The following SORCS3 variants were observed in gnomAD, a reference collection of about 807,000 sequenced individuals.
SORCS3 encodes VPS10 domain-containing receptor SorCS3.
SORCS3 carries 57 observed loss-of-function variants against 146.3 expected under a neutral mutation model. The observed-to-expected ratio is 0.39, with a 90% CI of 0.31 to 0.49. The LOEUF (loss-of-function observed/expected upper bound fraction) is 0.49. Among genes scored for constraint, SORCS3 ranks in the 20% least tolerant of loss-of-function variants. The pLI is 0.92. For missense variants in SORCS3, 1,341 were observed against 1,575.5 expected (o/e 0.85, Z 2.52); for synonymous variants, 653 against 618.5 (o/e 1.06, Z -0.83).
intron 1 of SORCS3, among the ~76,000 whole-genome samples, chr10:104,681,794 A>G (rs2015980028): frequency 6.6e-6 from 1 of 152,100 alleles, no homozygotes; most frequent in African/African-American, 2.4e-5. Flanking sequence ...CTTTCTCGGA[A>G]TGCTCTGTCC....
chr10:104,872,847 A>G (rs924244381), intron 2 of SORCS3, among the ~76,000 whole-genome samples: 6 of 152,226 alleles, frequency 3.9e-5, no homozygotes, highest in African/African-American at 1.4e-4. Flanking sequence ...TGAAAAGCAC[A>G]ATATGCTGAA....
chr10:105,225,027 T>C lies in SORCS3; in HGVS notation c.2868+1778T>C, dbSNP rs535816201. ...TCTGCAAATATTTTCTTCCACTCTGTGGCTTATCTTTTCAACTTCTTGATA... is the reference window on the plus strand; with the variant it reads ...TCTGCAAATATTTTCTTCCACTCTGCGGCTTATCTTTTCAACTTCTTGATA... On this transcript the variant is annotated intron_variant, in intron 20 of 26. Transcript: ENST00000369701. 8.5e-5 allele frequency among the ~76,000 whole-genome samples: 13 copies of C among 152,278 alleles called. No homozygotes were observed. The South Asian group carries it at 2.7e-3, about 32-fold the overall frequency.
At chr10:105,166,470 A>G (rs989376682) in intron 12 of SORCS3, among the ~76,000 whole-genome samples, 7 of 152,218 alleles carry the variant, frequency 4.6e-5, no homozygotes, top group East Asian at 1.9e-4. Flanking sequence ...CATATCTGGT[A>G]TAAGCATTGA....
At chr10:105,170,500 A>G (rs17118687) in intron 13 of SORCS3, among the ~76,000 whole-genome samples, 1,542 of 152,254 alleles carry the variant, frequency 0.01, 27 homozygotes, top group African/African-American at 0.034. Context: ...TGGCTGTTCT[A>G]ACTTACAAAG....
intron 2 of SORCS3, among the ~76,000 whole-genome samples, chr10:104,878,375 G>A (rs1221882870): frequency 6.6e-6 from 1 of 152,172 alleles, no homozygotes; most frequent in Non-Finnish European, 1.5e-5. Context: ...GAGCAAAGGA[G>A]GATGATAGGG....
chr10:104,892,733 A>AT (rs910193126), intron 2 of SORCS3, among the ~76,000 whole-genome samples: 2 of 140,820 alleles, frequency 1.4e-5, no homozygotes, highest in African/African-American at 5.3e-5. Context: ...AAAAAAAAAA[A>AT]TTTTTTTTTC....
intron 6 of SORCS3, among the ~76,000 whole-genome samples, chr10:105,096,103 T>TACACACACACACAC (rs60438282): frequency 5.3e-4 from 77 of 145,320 alleles, no homozygotes; most frequent in Non-Finnish European, 7.3e-4. Flanking sequence ...ACCTCACAAA[T>TACACACACACACAC]ACACACACAC....
chr10:105,132,805 C>A (rs977111760), intron 7 of SORCS3, among the ~76,000 whole-genome samples: 1 of 152,124 alleles, frequency 6.6e-6, no homozygotes, highest in Non-Finnish European at 1.5e-5. Context: ...CCAGCTAATT[C>A]TGTGTTTAGC....
chr10:105,229,499 GC>G (rs2056754869), intron 20 of SORCS3, among the ~76,000 whole-genome samples: 1 of 152,032 alleles, frequency 6.6e-6, no homozygotes. Flanking sequence ...TTTTGAATTT[GC>G]TTTTGTAGGG....
chr10:104,888,672 G>T (rs1431450305), intron 2 of SORCS3, among the ~76,000 whole-genome samples: 1 of 152,170 alleles, frequency 6.6e-6, no homozygotes, highest in African/African-American at 2.4e-5. Context: ...CAATTGGTAT[G>T]ACAGGACACC....
At chr10:105,001,549 C>T (rs1452487910) in intron 4 of SORCS3, among the ~76,000 whole-genome samples, 1 of 152,100 alleles carries the variant, frequency 6.6e-6, no homozygotes, top group African/African-American at 2.4e-5. Context: ...AAAACATTTC[C>T]TTGAAATAGC....
rs772150913 is a variant in SORCS3, at chr10:105,046,020, CATAATTCTT to C, written c.1028+2904_1028+2912del. Among the ~76,000 whole-genome samples, 158 of 152,128 alleles carry C rather than the reference CATAATTCTT, an allele frequency of 1.0e-3. 1 individual carries two copies. Among genetic ancestry groups the C allele is most frequent in the Non-Finnish European group, 3.7e-4 (25 of 67,980 alleles). On this transcript the variant is annotated intron_variant, in intron 5 of 26. Transcript: ENST00000369701. ...TATTGTTCTCTACTTTTTGTTGAGT[CATAATTCTT>C]ATAATTCTTATGAAGTGATCAACCA... is the stretch of plus-strand genomic sequence containing the variant.
intron 4 of SORCS3, among the ~76,000 whole-genome samples, chr10:105,035,038 G>A (rs1167950781): frequency 1.3e-5 from 2 of 152,164 alleles, no homozygotes; most frequent in African/African-American, 4.8e-5. Flanking sequence ...CCTATCATGA[G>A]GATATCACTG....
intron 1 of SORCS3, among the ~76,000 whole-genome samples, chr10:104,836,875 CT>C (rs1165516932): frequency 1.3e-5 from 2 of 152,012 alleles, no homozygotes; most frequent in Non-Finnish European, 1.5e-5. Flanking sequence ...CTATCTACCC[CT>C]GTCCAATTTA....
chr10:105,260,184 C>T lies in SORCS3; in HGVS notation c.3444-2147C>T, dbSNP rs561386878. On this transcript the variant is annotated intron_variant, in intron 25 of 26. Coordinates refer to ENST00000369701, the MANE Select transcript of SORCS3 (RefSeq NM_014978.3). Reference sequence around the variant, plus strand: ...ATAATCTCTATAAGGGCAAGTTTATCCAAATCCTCATAGGTATTGTGAGAA... The same window carrying T: ...ATAATCTCTATAAGGGCAAGTTTATTCAAATCCTCATAGGTATTGTGAGAA... Among the ~76,000 whole-genome samples the T allele has an allele frequency of 8.5e-5, 13 of 152,220 alleles. No homozygotes were observed. In the East Asian group the frequency reaches 2.3e-3, roughly 27 times the overall value.
chr10:105,256,911 T>C lies in SORCS3; in HGVS notation c.3430T>C (p.Tyr1144His), dbSNP rs771227947. 5 of 1,613,290 alleles carry C rather than the reference T, an allele frequency of 3.1e-6. No homozygotes were observed. The South Asian group carries it at 3.3e-5, about 11-fold the overall frequency. ...TGTTGGCCTGGCTGTGTTTTTGATC[T>C]ACAAGTTTAAAAGGTATGTCCTATT... ...VFVGLAVFLI[Y>H]KFKRKIPWIN... is the part of the protein sequence containing the mutation. The change falls in exon 25 of 27, where the codon TAC (tyrosine) becomes CAC (histidine). Residue 1144 changes from tyrosine to histidine, a missense_variant. Tyr to His is a moderately conservative substitution (Grantham distance 83). Transcript: ENST00000369701.
chr10:104,870,044 G>A lies in SORCS3; in HGVS notation c.695+27185G>A, dbSNP rs185100295. Among the ~76,000 whole-genome samples, 168 of 152,318 alleles carry A rather than the reference G, an allele frequency of 1.1e-3. 2 individuals carry two copies. The Middle Eastern group carries it at 0.014, about 12-fold the overall frequency. ...AGTTGTTGGAATAATGCATGGCATAGCATAAGAGCTCTAGAAATGCTCTCT... is the reference window on the plus strand; with the variant it reads ...AGTTGTTGGAATAATGCATGGCATAACATAAGAGCTCTAGAAATGCTCTCT... On this transcript the variant is annotated intron_variant, in intron 2 of 26. Coordinates refer to ENST00000369701, the MANE Select transcript of SORCS3 (RefSeq NM_014978.3).
chr10:104,914,188 A>T (rs57795336), intron 2 of SORCS3, among the ~76,000 whole-genome samples: 1,804 of 152,278 alleles, frequency 0.012, 35 homozygotes, highest in African/African-American at 0.041. Flanking sequence ...CCCAAAATTC[A>T]TGTTCTTTCC....
chr10:105,004,353 G>A (rs1007009747), intron 4 of SORCS3, among the ~76,000 whole-genome samples: 1 of 152,206 alleles, frequency 6.6e-6, no homozygotes, highest in African/African-American at 2.4e-5. Flanking sequence ...AAGCAACATG[G>A]CATGGCAAGG....
Sources: gnomAD v4.1 joint callset for allele counts (sites outside exome capture counted in the v4.1 genomes callset) on GRCh38, gnomAD v4.1.1 for gene constraint, MANE v1.5 for transcripts, NCBI Gene and HGNC (gene_info 2026-07-23, HGNC 2026-07-21) for gene names.